RAP1GAP2: variants seen among roughly 807,000 people sequenced by gnomAD.
RAP1GAP2 encodes rap1 GTPase-activating protein 2.
RAP1GAP2 carries 27 observed loss-of-function variants against 95.0 expected under a neutral mutation model. That is an observed-to-expected ratio of 0.28 (90% CI 0.21 to 0.39). The LOEUF is 0.39. Ranked by LOEUF, RAP1GAP2 falls within the 10% of genes least tolerant of loss-of-function variation. The pLI is 1.00. For synonymous variants in RAP1GAP2, 373 were observed against 380.9 expected, an observed-to-expected ratio of 0.98 and a Z score of 0.24; for missense variants, 771 against 970.0, an observed-to-expected ratio of 0.79 and a Z score of 2.72.
intron 2 of RAP1GAP2, among the ~76,000 whole-genome samples, chr17:2,844,277 C>T (rs1169611934): frequency 6.6e-6 from 1 of 152,180 alleles, no homozygotes; most frequent in East Asian, 1.9e-4. Flanking sequence ...GCCTCGGCCT[C>T]CCAAAGTGCT....
intron 16 of RAP1GAP2, 150 bp from the exon 17 acceptor site, chr17:3,007,861 C>T (rs1481525288): frequency 2.1e-5 from 19 of 908,866 alleles, no homozygotes; most frequent in South Asian, 9.2e-5. Context: ...TTTGTGAGCA[C>T]GAAGCTCAGC....
chr17:2,988,048 G>GT (rs1379394437), intron 11 of RAP1GAP2, among the ~76,000 whole-genome samples: 2 of 152,010 alleles, frequency 1.3e-5, no homozygotes, highest in African/African-American at 4.8e-5. Flanking sequence ...TTTCAGCTTT[G>GT]TTTTTTACAA....
chr17:2,853,267 C>T (rs1452633788), intron 2 of RAP1GAP2, among the ~76,000 whole-genome samples: 1 of 151,204 alleles, frequency 6.6e-6, no homozygotes, highest in African/African-American at 2.4e-5. Flanking sequence ...GGGCGCCGGG[C>T]TCAGGTGCCC....
intron 3 of RAP1GAP2, among the ~76,000 whole-genome samples, chr17:2,921,585 T>C (rs1365852304): frequency 6.7e-6 from 1 of 149,244 alleles, no homozygotes; most frequent in South Asian, 2.1e-4. Flanking sequence ...CCGCAGGGCC[T>C]TTAAGGTGTC....
intron 8 of RAP1GAP2, among the ~76,000 whole-genome samples, chr17:2,973,722 C>T (rs1249607752): frequency 2.0e-5 from 3 of 152,056 alleles, no homozygotes; most frequent in Admixed American, 1.3e-4. Flanking sequence ...TGGGAGGCCC[C>T]AGCATGTGTC....
chr17:2,778,292 G>T (rs545013630), intron 1 of RAP1GAP2, among the ~76,000 whole-genome samples: 2 of 149,384 alleles, frequency 1.3e-5, no homozygotes, highest in South Asian at 2.1e-4. Flanking sequence ...GGGCTGGGGG[G>T]CCTGGTAGCT....
At chr17:2,875,102 T>G (rs895354519) in intron 2 of RAP1GAP2, among the ~76,000 whole-genome samples, 25 of 152,202 alleles carry the variant, frequency 1.6e-4, no homozygotes, top group Admixed American at 1.1e-3. Flanking sequence ...GCCTTGCTCT[T>G]GACGCCCAGG....
intron 17 of RAP1GAP2, among the ~76,000 whole-genome samples, chr17:3,009,602 C>G (rs1294304536): frequency 6.6e-6 from 1 of 152,174 alleles, no homozygotes; most frequent in African/African-American, 2.4e-5. Flanking sequence ...GGTCAGTCCC[C>G]CACTGCCCGG....
chr17:2,964,089 C>A, intron 7 of RAP1GAP2, 21 bp downstream of exon 7: 1 of 1,568,670 alleles, frequency 6.4e-7, no homozygotes. Flanking sequence ...GGGAGAGGAG[C>A]TGCTGGGGGT....
upstream of RAP1GAP2, among the ~76,000 whole-genome samples, chr17:2,793,911 G>C (rs1370852676): frequency 6.6e-6 from 1 of 151,832 alleles, no homozygotes. Context: ...GACTAGCCTG[G>C]CCAACATGGT....
chr17:2,896,537 A>G (rs1459612938), intron 2 of RAP1GAP2, among the ~76,000 whole-genome samples: 1 of 152,208 alleles, frequency 6.6e-6, no homozygotes, highest in Non-Finnish European at 1.5e-5. Context: ...TGTAAACCAT[A>G]AAGCACGCAT....
At chr17:3,009,438 T>C (rs1176452222) in intron 17 of RAP1GAP2, among the ~76,000 whole-genome samples, 1 of 152,198 alleles carries the variant, frequency 6.6e-6, no homozygotes, top group Non-Finnish European at 1.5e-5. Context: ...CATAGTATTA[T>C]ATGGGAGGAA....
Position 2,926,194 on chromosome 17 carries a change from T to C in RAP1GAP2, c.165+20826T>C, listed in dbSNP as rs111305593. On this transcript the variant is annotated intron_variant, in intron 3 of 24. Transcript: ENST00000254695. The stretch of plus-strand genomic sequence containing the variant: ...GCTGAGCCCTGGGGGTAACTGAGCT[T>C]AGTGTTACTCATGGAGACAGGAGCC... Among the ~76,000 whole-genome samples the C allele has an allele frequency of 1.6e-3, 235 of 151,246 alleles. 1 individual carries two copies. The highest frequency in any genetic ancestry group is 5.5e-3 in the African/African-American group (226 of 41,146).
At chr17:2,779,506 C>T (rs903634909) in intron 1 of RAP1GAP2, among the ~76,000 whole-genome samples, 1 of 152,146 alleles carries the variant, frequency 6.6e-6, no homozygotes, top group Admixed American at 6.6e-5. Flanking sequence ...GGCTGTGGCC[C>T]AGTTTCCCAG....
At chr17:2,968,080 A>C (rs971281283) in intron 8 of RAP1GAP2, among the ~76,000 whole-genome samples, 2 of 152,202 alleles carry the variant, frequency 1.3e-5, no homozygotes, top group Non-Finnish European at 2.9e-5. Context: ...CAGAGTTTTG[A>C]AAAGTATTTA....
intron 24 of RAP1GAP2, 85 bp downstream of exon 24, chr17:3,032,534 A>G: frequency 7.4e-7 from 1 of 1,354,514 alleles, no homozygotes; most frequent in Non-Finnish European, 1.1e-6. Flanking sequence ...TTGTAACCTC[A>G]GAATGGCCGG....
At chr17:2,799,634 T>C (rs776091899) in intron 1 of RAP1GAP2, among the ~76,000 whole-genome samples, 3 of 152,068 alleles carry the variant, frequency 2.0e-5, no homozygotes, top group Non-Finnish European at 4.4e-5. Context: ...TGTGGTGACA[T>C]GGACAGTGAT....
In RAP1GAP2 at chr17:2,916,909, G is replaced by A. The variant is rs149995449; in HGVS notation, c.165+11541G>A. Among the ~76,000 whole-genome samples the A allele has an allele frequency of 2.0e-4, 31 of 152,328 alleles. No individual in the cohort carries two copies. In the East Asian group the frequency reaches 5.4e-3, roughly 27 times the overall value. ...GGCCTTCCAAGCTGGAGGCCCCAGA[G>A]CGGAGCCACGCTTCCTCAAGTTTGC... On this transcript the variant is annotated intron_variant, in intron 3 of 24. Coordinates refer to ENST00000254695, the MANE Select transcript of RAP1GAP2 (RefSeq NM_015085.5).
chr17:2,843,290 C>CTTT (rs753692076), intron 2 of RAP1GAP2, among the ~76,000 whole-genome samples: 1 of 141,190 alleles, frequency 7.1e-6, no homozygotes, highest in African/African-American at 2.6e-5. Context: ...GTTAATTTCC[C>CTTT]TTTTTTTTTT....
Sources: gnomAD v4.1 joint callset for allele counts (sites outside exome capture counted in the v4.1 genomes callset) on GRCh38, gnomAD v4.1.1 for gene constraint, MANE v1.5 for transcripts, NCBI Gene and HGNC (gene_info 2026-07-23, HGNC 2026-07-21) for gene names.